HBEGF: variants seen among roughly 807,000 people sequenced by gnomAD.
HBEGF encodes proheparin-binding EGF-like growth factor.
Under a neutral mutation model 19.5 loss-of-function variants are expected in HBEGF, and 8 were observed. That is an observed-to-expected ratio of 0.41 (90% confidence interval 0.24 to 0.74). The LOEUF is 0.74. Among genes scored for constraint, HBEGF ranks in the 30% least tolerant of loss-of-function variants. The probability of loss-of-function intolerance (pLI) is 0.32; values close to 1 mark genes in which losing one functional copy is unlikely to be tolerated. For synonymous variants in HBEGF, 97 were observed against 108.9 expected (o/e 0.89, Z 0.68); for missense variants, 207 against 256.9 (o/e 0.81, Z 1.33).
chr5:140,336,096 C>G (rs1451185063), intron 3 of HBEGF, 69 bp from the exon 4 acceptor site: 2 of 1,520,186 alleles, frequency 1.3e-6, no homozygotes, highest in Non-Finnish European at 9.0e-7. Flanking sequence ...GGCCCACCTG[C>G]ATAAGCCAAA....
chr5:140,342,022 T>C (rs957274036), intron 3 of HBEGF, among the ~76,000 whole-genome samples: 1 of 152,128 alleles, frequency 6.6e-6, no homozygotes, highest in African/African-American at 2.4e-5. Flanking sequence ...CACAAAGGAA[T>C]TGTTCTCTCA....
chr5:140,341,273 C>T (rs1377147516), intron 3 of HBEGF, among the ~76,000 whole-genome samples: 1 of 152,200 alleles, frequency 6.6e-6, no homozygotes, highest in East Asian at 1.9e-4. Flanking sequence ...CACATCCATC[C>T]ACCAAAATGC....
chr5:140,343,102 G>A, intron 2 of HBEGF: 2 of 368,948 alleles, frequency 5.4e-6, no homozygotes, highest in Admixed American at 8.1e-5. Flanking sequence ...TTGAGTAACT[G>A]GGCAATTCTA....
At position 140,346,364 on chromosome 5, in the gene HBEGF, C is replaced by T. The variant is rs1293591254; in HGVS notation, c.-36G>A. The T allele has an allele frequency of 6.3e-7, 1 of 1,597,494 alleles. No individual in the cohort carries two copies. The highest frequency in any genetic ancestry group is 1.1e-5 in the South Asian group (1 of 88,704). On this transcript the variant is annotated 5_prime_UTR_variant, in exon 1 of 6. Coordinates refer to ENST00000230990, the MANE Select transcript of HBEGF (RefSeq NM_001945.3). This position sits in a 1 kb window ranked among gnomAD's most constrained non-coding sequence, Gnocchi z 6.1. ...CGAGAGGAGGCGGCGAGGCACCAGT[C>T]ACTTTCGAAGCGGCGGCCACTGGGC...
intron 2 of HBEGF, among the ~76,000 whole-genome samples, chr5:140,345,067 G>A (rs1344121239): frequency 6.6e-6 from 1 of 152,226 alleles, no homozygotes; most frequent in African/African-American, 2.4e-5. Flanking sequence ...TGAGGGAGAA[G>A]GGCAGCTGAG....
rs766190581 is a variant in HBEGF at position 140,335,853 on chromosome 5, AG to A, written c.554+18del. 6.2e-7 allele frequency: 1 copy of A among 1,612,244 alleles called. No individual in the cohort carries two copies. The highest frequency in any genetic ancestry group is 8.5e-7 in the Non-Finnish European group (1 of 1,179,120). ...GGAGTGATTTGCAGAAACAGCCTGC[AG>A]GGGACCCCAACACTCACCTAAACAT... is the stretch of plus-strand genomic sequence containing the variant. On this transcript the variant is annotated intron_variant, in intron 4 of 5. Transcript: ENST00000230990.
At chr5:140,338,319 G>C (rs752678270) in intron 3 of HBEGF, among the ~76,000 whole-genome samples, 1 of 152,206 alleles carries the variant, frequency 6.6e-6, no homozygotes, top group Non-Finnish European at 1.5e-5. Flanking sequence ...CTCTGTGAAG[G>C]AGAAGTTACT....
At chr5:140,345,817 C>T (rs2126720194) in intron 2 of HBEGF, 94 bp downstream of exon 2, 1 of 1,489,120 alleles carries the variant, frequency 6.7e-7, no homozygotes, top group Non-Finnish European at 9.3e-7. Flanking sequence ...TGAATACCCT[C>T]AACCCACAGT....
intron 3 of HBEGF, among the ~76,000 whole-genome samples, chr5:140,336,494 C>T (rs1766229587): frequency 6.6e-6 from 1 of 152,240 alleles, no homozygotes; most frequent in Non-Finnish European, 1.5e-5. Context: ...ACCCAGCCTT[C>T]CCCATCGTGC....
chr5:140,342,030 T>C lies in HBEGF; in HGVS notation c.398+605A>G, dbSNP rs11465439. On this transcript the variant is annotated intron_variant, in intron 3 of 5. Coordinates refer to ENST00000230990, the MANE Select transcript of HBEGF (RefSeq NM_001945.3). The stretch of plus-strand genomic sequence containing the variant: ...AACCCTGCACAAAGGAATTGTTCTC[T>C]CACAACGTGGCCAAAGGCCAGTACT... 2.1e-3 allele frequency among the ~76,000 whole-genome samples: 320 copies of C among 152,234 alleles called. 1 individual carries two copies. The highest frequency in any genetic ancestry group is 7.4e-3 in the African/African-American group (309 of 41,540).
chr5:140,334,980 A>G (rs1766205850), intron 4 of HBEGF: 1 of 580,846 alleles, frequency 1.7e-6, no homozygotes, highest in Non-Finnish European at 3.1e-6. Flanking sequence ...TGATCCTCAC[A>G]ACATCCTTAT....
intron 3 of HBEGF, among the ~76,000 whole-genome samples, chr5:140,336,630 T>G (rs1766231362): frequency 6.6e-6 from 1 of 151,960 alleles, no homozygotes; most frequent in African/African-American, 2.4e-5. Flanking sequence ...GGGCCCAACT[T>G]GGGAGCTCAA....
At chr5:140,345,779 C>CCGAT (rs1244404413) in intron 2 of HBEGF, 132 bp downstream of exon 2, 2 of 1,064,524 alleles carry the variant, frequency 1.9e-6, no homozygotes, top group African/African-American at 3.2e-5. Context: ...GCCCATCAGG[C>CCGAT]CGATCAGCTT....
intron 2 of HBEGF, among the ~76,000 whole-genome samples, chr5:140,344,894 C>G (rs1018783684): frequency 6.6e-6 from 1 of 151,982 alleles, no homozygotes; most frequent in African/African-American, 2.4e-5. Flanking sequence ...CCAGCCCTGC[C>G]CAGCCTAGGA....
At chr5:140,338,080 T>G (rs1290708966) in intron 3 of HBEGF, among the ~76,000 whole-genome samples, 1 of 152,160 alleles carries the variant, frequency 6.6e-6, no homozygotes, top group Non-Finnish European at 1.5e-5. Context: ...GATTCCAAAT[T>G]CATCATTCCT....
chr5:140,346,583 G>GC lies in HBEGF; in HGVS notation c.-256dup. 3.7e-6 allele frequency: 2 copies of GC among 536,606 alleles called. No homozygotes were observed. The highest frequency in any genetic ancestry group is 4.7e-5 in the South Asian group (2 of 42,166). 33.2% of individuals were successfully genotyped at this position (536,606 alleles called of 1,614,324 possible). ...GTCAGGCCAGCCAGCAGCGTGGCCC[G>GC]CGTAGCTCCTTCGGCCGAATGAGCG... On this transcript the variant is annotated 5_prime_UTR_variant, in exon 1 of 6. Transcript: ENST00000230990. The surrounding 1 kb of genome is among the most constrained non-coding windows in gnomAD (Gnocchi z 6.1).
rs1766201271 is a variant in HBEGF at position 140,334,705 on chromosome 5, C to T, written c.598G>A (p.Val200Met). Residue 200 changes from valine (V) to methionine (M), a missense_variant, in exon 5 of 6, where the codon GTG becomes ATG. This residue lies in a region of HBEGF where 77 missense variants were observed against 106.9 expected (regional missense o/e 0.72). Coordinates refer to ENST00000230990, the MANE Select transcript of HBEGF (RefSeq NM_001945.3). The stretch of plus-strand genomic sequence containing the variant: ...TGGGAATTAGTCATGCCCAACTTCA[C>T]TTTCTCTTCATTTTCCACATCATAA... The part of the protein sequence containing the change: ...GGYDVENEEK[V>M]KLGMTNSH 1 of 1,613,978 alleles carries T rather than the reference C, an allele frequency of 6.2e-7. No individual in the cohort carries two copies. Among genetic ancestry groups the T allele is most frequent in the African/African-American group, 1.3e-5 (1 of 75,044 alleles).
intron 5 of HBEGF, 57 bp downstream of exon 5, chr5:140,334,601 C>T: frequency 8.3e-7 from 1 of 1,210,724 alleles, no homozygotes; most frequent in Non-Finnish European, 1.2e-6. Context: ...CACTGAAGCA[C>T]AGCCAGGAAA....
chr5:140,335,415 A>G (rs1159831736), intron 4 of HBEGF, among the ~76,000 whole-genome samples: 1 of 151,518 alleles, frequency 6.6e-6, no homozygotes, highest in Non-Finnish European at 1.5e-5. Flanking sequence ...AAGAAAGAAA[A>G]CAGGCATAGA....
Sources: gnomAD v4.1 joint callset for allele counts (sites outside exome capture counted in the v4.1 genomes callset) on GRCh38, gnomAD v4.1.1 for gene constraint, gnomAD v4.1.1 regional missense constraint, Gnocchi (gnomAD v3.1) non-coding constraint, MANE v1.5 for transcripts, NCBI Gene and HGNC (gene_info 2026-07-23, HGNC 2026-07-21) for gene names.